CHSY3: variants seen among roughly 807,000 people sequenced by gnomAD.
The protein encoded by CHSY3 is N-acetylgalactosaminyl-proteoglycan 3-beta-glucuronosyltransferase 3.
A neutral mutation model predicts 67.2 loss-of-function variants in CHSY3; 35 were observed. The observed-to-expected ratio is 0.52, with a 90% CI of 0.40 to 0.69. The LOEUF (loss-of-function observed/expected upper bound fraction) is 0.69. CHSY3 is among the 30% of genes least tolerant of loss of function. The pLI is 0.00. For missense variants in CHSY3, 1,069 were observed against 1,138.5 expected (o/e 0.94, Z 0.88); for synonymous variants, 474 against 434.7 (o/e 1.09, Z -1.12).
intron 2 of CHSY3, among the ~76,000 whole-genome samples, chr5:129,933,364 C>A (rs2149590021): frequency 6.6e-6 from 1 of 152,256 alleles, no homozygotes; most frequent in Middle Eastern, 3.4e-3. Flanking sequence ...ACAGCTCTTT[C>A]AATTCATGTT....
intron 2 of CHSY3, among the ~76,000 whole-genome samples, chr5:129,958,430 G>A (rs1394565109): frequency 6.6e-6 from 1 of 152,118 alleles, no homozygotes; most frequent in Non-Finnish European, 1.5e-5. Context: ...CTTGCATTGG[G>A]TGCGCAGGGA....
intron 2 of CHSY3, among the ~76,000 whole-genome samples, chr5:130,047,993 G>C (rs1204766077): frequency 3.3e-5 from 5 of 150,352 alleles, no homozygotes; most frequent in Non-Finnish European, 7.4e-5. Context: ...TACCTATTTT[G>C]CACGCGTGGC....
intron 2 of CHSY3, among the ~76,000 whole-genome samples, chr5:130,136,129 C>T (rs1358829076): frequency 1.3e-5 from 2 of 152,066 alleles, no homozygotes; most frequent in Non-Finnish European, 2.9e-5. Context: ...GGTTATCTAC[C>T]ATAGCTAAAT....
At chr5:130,117,150 T>G (rs1194211040) in intron 2 of CHSY3, among the ~76,000 whole-genome samples, 1 of 152,112 alleles carries the variant, frequency 6.6e-6, no homozygotes, top group Non-Finnish European at 1.5e-5. Flanking sequence ...ATACCTGTAT[T>G]TGGACCAGCA....
chr5:130,088,132 T>C (rs1268795227), intron 2 of CHSY3, among the ~76,000 whole-genome samples: 2 of 152,182 alleles, frequency 1.3e-5, no homozygotes, highest in East Asian at 3.9e-4. Context: ...ATTCCCTATT[T>C]AATAAATGGT....
chr5:129,949,692 A>G (rs1021953278), intron 2 of CHSY3, among the ~76,000 whole-genome samples: 2 of 152,202 alleles, frequency 1.3e-5, no homozygotes, highest in African/African-American at 4.8e-5. Context: ...TCCCTGATGA[A>G]CATACATACA....
At position 129,942,723 on chromosome 5, in the gene CHSY3, C is replaced by T. The variant is rs1316446665; in HGVS notation, c.1086+34363C>T. Reference sequence around the variant, plus strand: ...CAAAGCCTATTATCTTTGCATTCTACCTAACCAGATCAAGGAGAGAGTGTA... The same window carrying T: ...CAAAGCCTATTATCTTTGCATTCTATCTAACCAGATCAAGGAGAGAGTGTA... On this transcript the variant is annotated intron_variant, in intron 2 of 2. Transcript: ENST00000305031. Among the ~76,000 whole-genome samples the T allele has an allele frequency of 2.0e-5, 3 of 152,118 alleles. No homozygotes were observed. In the East Asian group the frequency reaches 5.8e-4, roughly 29 times the overall value.
chr5:130,004,853 C>A (rs1446561039), intron 2 of CHSY3, among the ~76,000 whole-genome samples: 1 of 151,940 alleles, frequency 6.6e-6, no homozygotes, highest in African/African-American at 2.4e-5. Context: ...TTTCTTCTCA[C>A]CAAATATGAT....
At chr5:130,034,201 G>GTTTT (rs34723660) in intron 2 of CHSY3, among the ~76,000 whole-genome samples, 143,323 of 151,882 alleles carry the variant, frequency 0.94, 67,734 homozygotes, top group East Asian at 1. Flanking sequence ...CAGCAGTTAA[G>GTTTT]TTTTTCTTTT....
chr5:130,001,200 T>G (rs1763718828), intron 2 of CHSY3, among the ~76,000 whole-genome samples: 1 of 152,096 alleles, frequency 6.6e-6, no homozygotes, highest in Admixed American at 6.6e-5. Flanking sequence ...TTTATGTGCC[T>G]ACTCAGTAAT....
At chr5:130,051,686 G>T (rs1423942612) in intron 2 of CHSY3, among the ~76,000 whole-genome samples, 4 of 152,036 alleles carry the variant, frequency 2.6e-5, no homozygotes, top group Admixed American at 1.3e-4. Context: ...ATGGGAAAAA[G>T]ATAGAGATAA....
At chr5:130,050,385 A>G (rs768356329) in intron 2 of CHSY3, among the ~76,000 whole-genome samples, 3 of 152,140 alleles carry the variant, frequency 2.0e-5, no homozygotes, top group Non-Finnish European at 2.9e-5. Context: ...TAGAAATGAC[A>G]TCATCTGGCA....
chr5:129,929,605 A>G (rs771786596), intron 2 of CHSY3, among the ~76,000 whole-genome samples: 4 of 152,204 alleles, frequency 2.6e-5, no homozygotes, highest in Non-Finnish European at 5.9e-5. Context: ...GCTCAAAAAT[A>G]TATACACATA....
chr5:130,103,991 T>C (rs145469485), intron 2 of CHSY3, among the ~76,000 whole-genome samples: 20 of 152,050 alleles, frequency 1.3e-4, no homozygotes, highest in African/African-American at 4.6e-4. Context: ...GACTATGTAT[T>C]GATGGACTTT....
At chr5:130,080,143 C>G (rs1296273695) in intron 2 of CHSY3, among the ~76,000 whole-genome samples, 1 of 151,688 alleles carries the variant, frequency 6.6e-6, no homozygotes, top group Non-Finnish European at 1.5e-5. Context: ...ATCTATCATG[C>G]TACTGTTTCT....
chr5:129,971,466 A>G (rs2149614042), intron 2 of CHSY3, among the ~76,000 whole-genome samples: 1 of 152,084 alleles, frequency 6.6e-6, no homozygotes, highest in East Asian at 1.9e-4. Flanking sequence ...TCAGAATGCT[A>G]TGTACTGTTA....
chr5:130,146,966 G>C (rs951029414), intron 2 of CHSY3, among the ~76,000 whole-genome samples: 1 of 152,090 alleles, frequency 6.6e-6, no homozygotes, highest in Non-Finnish European at 1.5e-5. Context: ...GCTAATTTTT[G>C]TATTTTTAGT....
intron 2 of CHSY3, among the ~76,000 whole-genome samples, chr5:130,067,941 C>T (rs1427286350): frequency 6.6e-6 from 1 of 152,094 alleles, no homozygotes; most frequent in Non-Finnish European, 1.5e-5. Flanking sequence ...TAGTTTAGGT[C>T]TATGAAAGTT....
intron 2 of CHSY3, among the ~76,000 whole-genome samples, chr5:129,992,410 A>C (rs1442573292): frequency 6.6e-6 from 1 of 152,172 alleles, no homozygotes; most frequent in Non-Finnish European, 1.5e-5. Context: ...TTCAGTTAGG[A>C]ATCATACACT....
Sources: gnomAD v4.1 joint callset for allele counts (sites outside exome capture counted in the v4.1 genomes callset) on GRCh38, gnomAD v4.1.1 for gene constraint, MANE v1.5 for transcripts, NCBI Gene and HGNC (gene_info 2026-07-23, HGNC 2026-07-21) for gene names.